ENTREP2: variants seen among roughly 807,000 people sequenced by gnomAD.
The protein encoded by ENTREP2 is protein ENTREP2.
At chr15:29,312,612 C>T in the ENTREP2 span, among the ~76,000 whole-genome samples, 31 of 152,186 alleles carry the variant, frequency 2.0e-4, no homozygotes, top group Middle Eastern at 3.4e-3. Context: ...TGATCAGTGA[C>T]CCTTGAAGAT....
chr15:29,565,955 T>G, the ENTREP2 span, among the ~76,000 whole-genome samples: 1 of 148,654 alleles, frequency 6.7e-6, no homozygotes, highest in African/African-American at 2.5e-5. Context: ...AGCAAGGCTC[T>G]GTCTCAAAAA....
At chr15:29,375,931 G>T in the ENTREP2 span, 3 of 152,098 alleles carry the variant, frequency 2.0e-5, no homozygotes, top group African/African-American at 7.2e-5. Flanking sequence ...GGTTGATAAA[G>T]CTTAGCAATA....
chr15:29,567,582 C>T, the ENTREP2 span, among the ~76,000 whole-genome samples: 1 of 152,148 alleles, frequency 6.6e-6, no homozygotes, highest in Non-Finnish European at 1.5e-5. Flanking sequence ...GAGGCTTTGG[C>T]TTGGAACAGA....
the ENTREP2 span, among the ~76,000 whole-genome samples, chr15:29,525,372 C>A: frequency 6.6e-6 from 1 of 152,216 alleles, no homozygotes; most frequent in African/African-American, 2.4e-5. Context: ...ATGGAATATA[C>A]AACTGTTTAC....
At chr15:29,419,225 G>A in the ENTREP2 span, among the ~76,000 whole-genome samples, 1 of 151,878 alleles carries the variant, frequency 6.6e-6, no homozygotes, top group African/African-American at 2.4e-5. Context: ...TTACGCCCAA[G>A]AAAACAGAGA....
chr15:29,600,902 C>CTTTTTTTTTTTTTT, the ENTREP2 span, among the ~76,000 whole-genome samples: 4 of 123,612 alleles, frequency 3.2e-5, no homozygotes, highest in African/African-American at 1.1e-4. Flanking sequence ...ATTTTTCTTT[C>CTTTTTTTTTTTTTT]TTTTTTTTTT....
At chr15:29,371,091 G>T in the ENTREP2 span, among the ~76,000 whole-genome samples, 1 of 151,926 alleles carries the variant, frequency 6.6e-6, no homozygotes, top group Non-Finnish European at 1.5e-5. Context: ...CACAACTTGA[G>T]GTACCTCTGA....
At chr15:29,398,971 C>G in the ENTREP2 span, among the ~76,000 whole-genome samples, 1 of 152,158 alleles carries the variant, frequency 6.6e-6, no homozygotes, top group Non-Finnish European at 1.5e-5. Flanking sequence ...TGTGCCTGAC[C>G]TAATCAGGCA....
the ENTREP2 span, among the ~76,000 whole-genome samples, chr15:29,274,899 G>A: frequency 3.3e-5 from 5 of 152,228 alleles, no homozygotes; most frequent in African/African-American, 1.2e-4. Flanking sequence ...AGAGGTAATT[G>A]TGGGAAAAGT....
the ENTREP2 span, among the ~76,000 whole-genome samples, chr15:29,295,031 A>G: frequency 1.3e-5 from 2 of 152,240 alleles, no homozygotes; most frequent in African/African-American, 4.8e-5. Context: ...TCTTAGAGCC[A>G]GACCATCGGG....
the ENTREP2 span, among the ~76,000 whole-genome samples, chr15:29,468,436 C>A: frequency 2.0e-5 from 3 of 152,036 alleles, no homozygotes; most frequent in Admixed American, 6.5e-5. Flanking sequence ...CATAGTGAAA[C>A]CTCGTCTCCA....
the ENTREP2 span, among the ~76,000 whole-genome samples, chr15:29,498,189 G>A: frequency 6.6e-6 from 1 of 152,100 alleles, no homozygotes; most frequent in East Asian, 1.9e-4. Flanking sequence ...CTTCTGCTAT[G>A]ATCGTTAAGT....
At chr15:29,606,730 G>C in the ENTREP2 span, among the ~76,000 whole-genome samples, 1 of 150,706 alleles carries the variant, frequency 6.6e-6, no homozygotes, top group Non-Finnish European at 1.5e-5. Flanking sequence ...AGGTTCAAAT[G>C]ATTTTTTTTT....
chr15:29,411,291 C>G, the ENTREP2 span, among the ~76,000 whole-genome samples: 4 of 152,146 alleles, frequency 2.6e-5, no homozygotes, highest in Non-Finnish European at 4.4e-5. Context: ...CCACTGTATT[C>G]CAGAGTGGTC....
At chr15:29,235,214 G>T in the ENTREP2 span, 1 of 601,492 alleles carries the variant, frequency 1.7e-6, no homozygotes, top group Non-Finnish European at 3.0e-6. Context: ...TAGTTCTATA[G>T]TCTTGATATC....
chr15:29,231,890 C>CT, the ENTREP2 span, among the ~76,000 whole-genome samples: 4,291 of 136,746 alleles, frequency 0.031, 306 homozygotes, highest in African/African-American at 0.11. Context: ...CTTTTCTTTT[C>CT]TTTCTTTTTT....
the ENTREP2 span, among the ~76,000 whole-genome samples, chr15:29,657,577 C>T: frequency 1.4e-4 from 21 of 151,380 alleles, no homozygotes; most frequent in Middle Eastern, 3.4e-3. Flanking sequence ...ATCCTCCCCA[C>T]GATTGGCTAC....
the ENTREP2 span, among the ~76,000 whole-genome samples, chr15:29,309,788 CAA>C: frequency 5.9e-5 from 7 of 118,252 alleles, no homozygotes; most frequent in Admixed American, 8.6e-5. Flanking sequence ...GACTCTGTCT[CAA>C]AAAAAAAAAA....
chr15:29,557,797 C>G, the ENTREP2 span, among the ~76,000 whole-genome samples: 1 of 152,166 alleles, frequency 6.6e-6, no homozygotes, highest in Non-Finnish European at 1.5e-5. Flanking sequence ...CTCAGCCTGC[C>G]CTTACCAAGT....
Sources: gnomAD v4.1 joint callset for allele counts (sites outside exome capture counted in the v4.1 genomes callset) on GRCh38, gnomAD v4.1.1 for gene constraint, MANE v1.5 for transcripts, NCBI Gene and HGNC (gene_info 2026-07-23, HGNC 2026-07-21) for gene names.